POU2F2: variants seen among roughly 807,000 people sequenced by gnomAD.
The protein encoded by POU2F2 is POU class 2 homeobox 2.
In POU2F2, 14 loss-of-function variants were observed where a neutral mutation model predicts 63.5. The observed-to-expected ratio is 0.22, with a 90% CI of 0.15 to 0.34. The LOEUF (loss-of-function observed/expected upper bound fraction) is 0.34, where lower values mean the gene tolerates loss of function less well. Among genes scored for constraint, POU2F2 ranks in the 10% least tolerant of loss-of-function variants. The probability of loss-of-function intolerance (pLI) is 1.00; values close to 1 mark genes in which losing one functional copy is unlikely to be tolerated. For missense variants in POU2F2, 607 were observed against 815.2 expected, an observed-to-expected ratio of 0.74 and a Z score of 3.11; for synonymous variants, 306 against 348.6, an observed-to-expected ratio of 0.88 and a Z score of 1.36.
chr19:42,179,967 A>G (rs899817206), upstream of POU2F2, among the ~76,000 whole-genome samples: 4 of 152,140 alleles, frequency 2.6e-5, no homozygotes, highest in Non-Finnish European at 5.9e-5. Flanking sequence ...TGCATAATGG[A>G]CATGGGACCA....
intron 1 of POU2F2, among the ~76,000 whole-genome samples, chr19:42,193,048 G>A (rs891773266): frequency 3.3e-5 from 5 of 150,812 alleles, no homozygotes; most frequent in African/African-American, 7.3e-5. Context: ...GTGAAATCCC[G>A]TCTCTACTAA....
intron 5 of POU2F2, among the ~76,000 whole-genome samples, chr19:42,102,870 A>T (rs918467615): frequency 6.6e-6 from 1 of 152,146 alleles, no homozygotes; most frequent in African/African-American, 2.4e-5. Context: ...ACCGCTTTAC[A>T]CACACAATCC....
chr19:42,153,255 G>A lies in POU2F2; in HGVS notation c.-9+7077C>T, dbSNP rs535600749. On this transcript the variant is annotated intron_variant, in intron 2 of 6. Transcript: ENST00000524801. The surrounding 1 kb of genome is among the most constrained non-coding windows in gnomAD (Gnocchi z 5.6). ...GGACTGCACATACCCGAGCGTCTTGGCCCGAGTCATGTCTGTGTGTGAACA... is the reference window on the plus strand; with the variant it reads ...GGACTGCACATACCCGAGCGTCTTGACCCGAGTCATGTCTGTGTGTGAACA... 9.9e-5 allele frequency among the ~76,000 whole-genome samples: 15 copies of A among 152,268 alleles called. No individual in the cohort carries two copies. Among genetic ancestry groups the A allele is most frequent in the Admixed American group, 7.2e-4 (11 of 15,302 alleles).
chr19:42,165,794 G>A (rs946940742), intron 1 of POU2F2, among the ~76,000 whole-genome samples: 1 of 152,202 alleles, frequency 6.6e-6, no homozygotes, highest in Non-Finnish European at 1.5e-5. Flanking sequence ...GGGGCAATGA[G>A]TGGGAGAAAT....
rs1169710340 is a variant in POU2F2 at position 42,087,555 on chromosome 19, A to G, written c.*3702T>C. ...CACACACACACCCACCCCACCCCCCAGAAGAGAACAGAGAGAGGTGGTTTA... is the reference window on the plus strand; with the variant it reads ...CACACACACACCCACCCCACCCCCCGGAAGAGAACAGAGAGAGGTGGTTTA... On this transcript the variant is annotated 3_prime_UTR_variant, in exon 15 of 15. Coordinates refer to ENST00000692977, the MANE Select transcript of POU2F2 (RefSeq NM_001394376.1). The G allele has an allele frequency of 4.7e-4, 3 of 6,450 alleles. No individual in the cohort carries two copies. Among genetic ancestry groups the G allele is most frequent in the African/African-American group, 1.4e-3 (2 of 1,402 alleles). The allele number at this position is 6,450 out of a possible 1,614,324, so 0.4% of individuals were successfully genotyped here. A position where few individuals can be genotyped will look rare whatever the true frequency, so the allele number is the denominator to read the frequency against.
chr19:42,111,957 C>A (rs574379816), intron 5 of POU2F2, among the ~76,000 whole-genome samples: 1 of 152,118 alleles, frequency 6.6e-6, no homozygotes, highest in South Asian at 2.1e-4. Flanking sequence ...GACATGGAAC[C>A]CAGGAAGTTG....
chr19:42,131,096 A>G (rs190980101), intron 1 of POU2F2, among the ~76,000 whole-genome samples: 1,139 of 10,678 alleles, frequency 0.11, 43 homozygotes, highest in African/African-American at 0.27. Context: ...TGTGCCCACC[A>G]CCCCAGCCCT....
At chr19:42,094,864 G>T (rs2076858661) in intron 11 of POU2F2, among the ~76,000 whole-genome samples, 1 of 152,214 alleles carries the variant, frequency 6.6e-6, no homozygotes, top group Admixed American at 6.5e-5. Flanking sequence ...TGTCCCAGCT[G>T]TGTCTGATAT....
At chr19:42,129,830 G>A (rs2033543975) in intron 1 of POU2F2, among the ~76,000 whole-genome samples, 3 of 152,310 alleles carry the variant, frequency 2.0e-5, no homozygotes, top group South Asian at 4.1e-4. Context: ...GATACAGGCA[G>A]CAGACACAAC....
Position 42,122,244 on chromosome 19 carries a change from C to G in POU2F2, c.130-62G>C. ...GTGCAGTGAAGCAGCTTCTGACCAC[C>G]CCCGCTCCCTGCCCTCCTACCATAG... On this transcript the variant is annotated intron_variant, in intron 3 of 14. Coordinates refer to ENST00000692977, the MANE Select transcript of POU2F2 (RefSeq NM_001394376.1). 2.6e-6 allele frequency: 4 copies of G among 1,559,808 alleles called. No homozygotes were observed. The Admixed American group carries it at 7.0e-5, about 27-fold the overall frequency.
chr19:42,136,433 C>T (rs1293752393), upstream of POU2F2, among the ~76,000 whole-genome samples: 2 of 152,254 alleles, frequency 1.3e-5, no homozygotes, highest in Admixed American at 6.5e-5. Flanking sequence ...GCCATCCACC[C>T]GCCTCAGCCT....
At chr19:42,122,049 C>T in intron 4 of POU2F2, 77 bp downstream of exon 4, 1 of 1,450,560 alleles carries the variant, frequency 6.9e-7, no homozygotes. Context: ...TCTCTCAGCC[C>T]TTGGACTGAG....
At chr19:42,094,930 T>C (rs2076861460) in intron 11 of POU2F2, among the ~76,000 whole-genome samples, 1 of 152,178 alleles carries the variant, frequency 6.6e-6, no homozygotes, top group Non-Finnish European at 1.5e-5. Flanking sequence ...GTGTGACAAT[T>C]TCCCCGAACG....
intron 1 of POU2F2, among the ~76,000 whole-genome samples, chr19:42,185,525 C>A (rs1242237336): frequency 6.6e-6 from 1 of 152,196 alleles, no homozygotes; most frequent in Non-Finnish European, 1.5e-5. Flanking sequence ...TCCTGTACTG[C>A]AACCACACCA....
rs952722856 is a variant in POU2F2, at chr19:42,087,245, G to A, written c.*4012C>T. 6.6e-6 allele frequency: 1 copy of A among 151,170 alleles called. No individual in the cohort carries two copies. Among genetic ancestry groups the A allele is most frequent in the Non-Finnish European group, 1.5e-5 (1 of 67,908 alleles). The allele number at this position is 151,170 out of a possible 1,614,324, so 9.4% of individuals were successfully genotyped here. On this transcript the variant is annotated 3_prime_UTR_variant, in exon 15 of 15. Transcript: ENST00000692977. ...CCCACTCAGAGACCAGTGGGGGCCC[G>A]CGTGTCTCAATCTTGCTGTCTGTCT...
chr19:42,118,619 C>A (rs1167247795), intron 4 of POU2F2, among the ~76,000 whole-genome samples: 1 of 152,250 alleles, frequency 6.6e-6, no homozygotes. Flanking sequence ...CACCTTGCAC[C>A]ATACACACAG....
intron 5 of POU2F2, among the ~76,000 whole-genome samples, chr19:42,103,406 A>C (rs2077215488): frequency 2.0e-5 from 3 of 152,192 alleles, no homozygotes; most frequent in Admixed American, 2.0e-4. Context: ...TAGATATGTT[A>C]ATGAACCAAG....
At chr19:42,173,050 G>A (rs2034801881) in intron 1 of POU2F2, among the ~76,000 whole-genome samples, 1 of 152,184 alleles carries the variant, frequency 6.6e-6, no homozygotes, top group Non-Finnish European at 1.5e-5. Context: ...GACACCACTG[G>A]GGCTGCTGTG....
chr19:42,141,305 C>T (rs1222201957), intron 2 of POU2F2, among the ~76,000 whole-genome samples: 1 of 152,086 alleles, frequency 6.6e-6, no homozygotes, highest in Non-Finnish European at 1.5e-5. Flanking sequence ...ACCATCTATA[C>T]AGGTGAACAT....
Sources: gnomAD v4.1 joint callset for allele counts (sites outside exome capture counted in the v4.1 genomes callset) on GRCh38, gnomAD v4.1.1 for gene constraint, Gnocchi (gnomAD v3.1) non-coding constraint, MANE v1.5 for transcripts, NCBI Gene and HGNC (gene_info 2026-07-23, HGNC 2026-07-21) for gene names.